Variants in MTUS1 observed in about 807,000 individuals in gnomAD.
MTUS1 encodes the protein microtubule-associated tumor suppressor 1.
MTUS1 carries 109 observed loss-of-function variants against 120.8 expected under a neutral mutation model. The ratio of observed to expected loss-of-function variants is 0.90; its 90% CI spans 0.77 to 1.06. The LOEUF (loss-of-function observed/expected upper bound fraction) is 1.06. Among genes scored for constraint, MTUS1 ranks in the 50% least tolerant of loss-of-function variants. The pLI is 0.00. For synonymous variants in MTUS1, 737 were observed against 550.5 expected (o/e 1.34, Z -4.74); for missense variants, 2,210 against 1,486.3 (o/e 1.49, Z -8.01).
rs368175297 is a variant in MTUS1, at chr8:17,646,958, G to A, written c.3599+24C>T. On this transcript the variant is annotated intron_variant, in intron 14 of 14. Transcript: ENST00000693296. Reference sequence around the variant, plus strand: ...GTCCAAGGGAGCGGGGAGCTCGGGAGAAACAGCACTGTTTTATTTTTACCT... The same window carrying A: ...GTCCAAGGGAGCGGGGAGCTCGGGAAAAACAGCACTGTTTTATTTTTACCT... 15 of 1,581,574 alleles carry A rather than the reference G, an allele frequency of 9.5e-6. No homozygotes were observed. In the South Asian group the frequency reaches 1.5e-4, roughly 16 times the overall value.
chr8:17,774,580 C>A lies in MTUS1; in HGVS notation c.-154-18619G>T, dbSNP rs114847583. On this transcript the variant is annotated intron_variant, in intron 1 of 14. Coordinates refer to ENST00000693296, the MANE Select transcript of MTUS1 (RefSeq NM_001363059.2). ...ATACCACTTCATACTCGTTAGGACA[C>A]CTATGATCAAAATGCTGGTGAGGAT... Among the ~76,000 whole-genome samples, 777 of 152,216 alleles carry A rather than the reference C, an allele frequency of 5.1e-3. 9 individuals carry two copies. The highest frequency in any genetic ancestry group is 0.018 in the African/African-American group (748 of 41,538).
Position 17,754,014 on chromosome 8 carries a change from TGAAGCATTTTTA to T in MTUS1, c.1782_1793del (p.Lys595_Ser598del). 6.2e-7 allele frequency: 1 copy of T among 1,614,230 alleles called. No homozygotes were observed. The highest frequency in any genetic ancestry group is 1.1e-5 in the South Asian group (1 of 91,086). ...CAGATGTTGTTCTTGGAACCCTGTG[TGAAGCATTTTTA>T]GAATGAGTTGTAACATGCACAGCCT... On this transcript the variant is annotated inframe_deletion, in exon 2 of 15. Coordinates refer to ENST00000693296, the MANE Select transcript of MTUS1 (RefSeq NM_001363059.2).
chr8:17,795,228 C>T lies in MTUS1; in HGVS notation c.-155+5833G>A, dbSNP rs187784852. On this transcript the variant is annotated intron_variant, in intron 1 of 14. Coordinates refer to ENST00000693296, the MANE Select transcript of MTUS1 (RefSeq NM_001363059.2). ...ATTATTTACACAAGAATGTATGTTA[C>T]GCCTCTTCTTCCTAGTCTCCTGATA... Among the ~76,000 whole-genome samples the T allele has an allele frequency of 3.0e-4, 45 of 152,268 alleles. No individual in the cohort carries two copies. The East Asian group carries it at 6.0e-3, about 20-fold the overall frequency.
At chr8:17,731,932 A>C (rs2046612235) in intron 3 of MTUS1, among the ~76,000 whole-genome samples, 1 of 152,172 alleles carries the variant, frequency 6.6e-6, no homozygotes, top group African/African-American at 2.4e-5. Context: ...CTTGCTTCCA[A>C]CCTTTCATGC....
At chr8:17,718,093 C>G (rs1406183982) in intron 4 of MTUS1, among the ~76,000 whole-genome samples, 1 of 152,154 alleles carries the variant, frequency 6.6e-6, no homozygotes, top group Non-Finnish European at 1.5e-5. Flanking sequence ...ATATCTTTCT[C>G]TCAATTTCTA....
At chr8:17,669,874 A>AGAG (rs1340410020) in intron 8 of MTUS1, among the ~76,000 whole-genome samples, 2 of 152,186 alleles carry the variant, frequency 1.3e-5, no homozygotes, top group African/African-American at 4.8e-5. Context: ...AATGTCCAGT[A>AGAG]GAGACACATG....
At chr8:17,705,348 T>A (rs1819945806) in intron 6 of MTUS1, among the ~76,000 whole-genome samples, 1 of 152,216 alleles carries the variant, frequency 6.6e-6, no homozygotes, top group Non-Finnish European at 1.5e-5. Context: ...ATACTAGTGT[T>A]CCTGGAAAGA....
intron 1 of MTUS1, among the ~76,000 whole-genome samples, chr8:17,793,258 A>G (rs1431402793): frequency 6.6e-6 from 1 of 152,214 alleles, no homozygotes; most frequent in Non-Finnish European, 1.5e-5. Context: ...ACTCAGAAGC[A>G]TCAGGAAACT....
chr8:17,755,298 GC>G lies in MTUS1; in HGVS notation c.509del (p.Cys170SerfsTer72). ...CGATGGCATGATGTGATATAAAGGT[GC>G]AGTTAACTTTATCCACTGTCATGTC... ...TFDMTVDKVN[C>X]TFISHHAIGK... On this transcript the variant is annotated frameshift_variant, in exon 2 of 15. Transcript: ENST00000693296. LOFTEE classifies it high-confidence loss of function. 6.2e-7 allele frequency: 1 copy of G among 1,614,146 alleles called. No homozygotes were observed. Among genetic ancestry groups the G allele is most frequent in the Non-Finnish European group, 8.5e-7 (1 of 1,179,986 alleles).
chr8:17,785,139 C>CT, intron 1 of MTUS1, among the ~76,000 whole-genome samples: 1 of 14,366 alleles, frequency 7.0e-5, no homozygotes, highest in Non-Finnish European at 6.2e-4. Flanking sequence ...CTATCACATG[C>CT]AGCTTCTTTG....
At chr8:17,712,393 G>A (rs373429680) in intron 6 of MTUS1, among the ~76,000 whole-genome samples, 2 of 151,988 alleles carry the variant, frequency 1.3e-5, no homozygotes, top group African/African-American at 4.8e-5. Context: ...CTGGAGTGCA[G>A]TGGTGTAATC....
chr8:17,691,961 A>T (rs1383408163), intron 6 of MTUS1: 2 of 152,246 alleles, frequency 1.3e-5, no homozygotes, highest in Non-Finnish European at 2.9e-5. Flanking sequence ...TCAAATGTTA[A>T]GACTTACGTC....
At chr8:17,758,092 T>C (rs1198554508) in intron 1 of MTUS1, 1 of 152,116 alleles carries the variant, frequency 6.6e-6, no homozygotes, top group African/African-American at 2.4e-5. Context: ...AAAAAAAATA[T>C]CCATGAGGGA....
At chr8:17,732,458 G>A (rs2046652518) in intron 3 of MTUS1, among the ~76,000 whole-genome samples, 1 of 152,186 alleles carries the variant, frequency 6.6e-6, no homozygotes, top group Admixed American at 6.5e-5. Flanking sequence ...ACTCTGGAGA[G>A]TCCAGGGAGC....
At position 17,746,829 on chromosome 8, in the gene MTUS1, T is replaced by C. The variant is rs373665218; in HGVS notation, c.2092-3030A>G. Among the ~76,000 whole-genome samples, 19 of 152,324 alleles carry C rather than the reference T, an allele frequency of 1.2e-4. No individual in the cohort carries two copies. The East Asian group carries it at 2.5e-3, about 20-fold the overall frequency. On this transcript the variant is annotated intron_variant, in intron 2 of 14. Coordinates refer to ENST00000693296, the MANE Select transcript of MTUS1 (RefSeq NM_001363059.2). ...TCCTGTGAAGTTGGTAGGTTTATTG[T>C]ACCCCATTTTAAAGAACAAGAACAT...
intron 1 of MTUS1, among the ~76,000 whole-genome samples, chr8:17,770,190 T>C (rs1381815118): frequency 1.3e-5 from 2 of 152,170 alleles, no homozygotes; most frequent in Admixed American, 1.3e-4. Context: ...TATTATCCTT[T>C]ACAAAAAGTA....
chr8:17,650,055 T>A (rs946513689), intron 12 of MTUS1, 93 bp from the exon 13 acceptor site: 1 of 774,776 alleles, frequency 1.3e-6, no homozygotes, highest in African/African-American at 1.7e-5. Context: ...ATTAGACAAG[T>A]AGCAAGCGAC....
At chr8:17,759,491 A>C (rs1364691854) in intron 1 of MTUS1, among the ~76,000 whole-genome samples, 1 of 150,948 alleles carries the variant, frequency 6.6e-6, no homozygotes, top group Non-Finnish European at 1.5e-5. Context: ...AAATAATACT[A>C]AACTGAAATC....
chr8:17,646,945 G>C (rs182820929), intron 14 of MTUS1, 37 bp downstream of exon 14: 1 of 1,495,290 alleles, frequency 6.7e-7, no homozygotes, highest in East Asian at 2.3e-5. Flanking sequence ...CCAAGGGAGC[G>C]GGGAGCTCGG....
Sources: allele counts gnomAD v4.1 joint callset (sites outside exome capture counted in the v4.1 genomes callset), GRCh38; gene constraint gnomAD v4.1.1; transcripts MANE v1.5; gene names NCBI Gene and HGNC (gene_info 2026-07-23, HGNC 2026-07-21).